ZFAND6: variants seen among roughly 807,000 people sequenced by gnomAD.
The protein encoded by ZFAND6 is AN1-type zinc finger protein 6.
A neutral mutation model predicts 24.5 loss-of-function variants in ZFAND6; 12 were observed. That is an observed-to-expected ratio of 0.49 (90% CI 0.31 to 0.79). The LOEUF is 0.79. Ranked by LOEUF, ZFAND6 falls within the 30% of genes least tolerant of loss-of-function variation. The pLI is 0.04. For synonymous variants in ZFAND6, 92 were observed against 81.5 expected, an observed-to-expected ratio of 1.13 and a Z score of -0.69; for missense variants, 207 against 245.9, an observed-to-expected ratio of 0.84 and a Z score of 1.06.
In ZFAND6 at chr15:80,101,791, G is replaced by GTTTT. The variant is rs750632508; in HGVS notation, c.-18+3229_-18+3232dup. On this transcript the variant is annotated intron_variant, in intron 2 of 6. Transcript: ENST00000261749. ...ATTTTCTCTGGGTTTTATGTAAAGT[G>GTTTT]TTTTTTTTTTTTTTTTTTTGAGACG... 4.9e-3 allele frequency among the ~76,000 whole-genome samples: 603 copies of GTTTT among 123,074 alleles called. 13 individuals carry two copies. Among genetic ancestry groups the GTTTT allele is most frequent in the African/African-American group, 0.017 (557 of 32,352 alleles). The allele number at this position is 123,074 out of a possible 152,430, so 80.7% of individuals were successfully genotyped here.
At chr15:80,059,842 CCGG>C (rs2036221925) in intron 1 of ZFAND6, 33 bp downstream of exon 1, 1 of 151,318 alleles carries the variant, frequency 6.6e-6, no homozygotes, top group Non-Finnish European at 1.5e-5. Flanking sequence ...CCCGGCTTGC[CCGG>C]CGCTGCCCCT....
chr15:80,101,894 G>T (rs2039054013), intron 2 of ZFAND6, among the ~76,000 whole-genome samples: 2 of 147,086 alleles, frequency 1.4e-5, no homozygotes, highest in Admixed American at 1.4e-4. Flanking sequence ...CTGGGTTCAT[G>T]CCCTTCTCCT....
At chr15:80,131,113 G>T in intron 5 of ZFAND6, 67 bp from the exon 6 acceptor site, 1 of 1,183,420 alleles carries the variant, frequency 8.5e-7, no homozygotes, top group Non-Finnish European at 1.2e-6. Context: ...AGACTAGGGA[G>T]GGTGGGATGA....
intron 5 of ZFAND6, among the ~76,000 whole-genome samples, chr15:80,129,251 C>A (rs756100186): frequency 6.6e-6 from 1 of 152,138 alleles, no homozygotes; most frequent in African/African-American, 2.4e-5. Context: ...TATTCTGTTT[C>A]AAAAATAGTA....
intron 1 of ZFAND6, among the ~76,000 whole-genome samples, chr15:80,061,063 C>T (rs578160767): frequency 1.1e-4 from 16 of 152,290 alleles, no homozygotes; most frequent in South Asian, 6.2e-4. Context: ...AACCATGTCA[C>T]CAATTTTAAG....
chr15:80,086,770 C>T (rs1176675284), intron 1 of ZFAND6, among the ~76,000 whole-genome samples: 1 of 152,208 alleles, frequency 6.6e-6, no homozygotes, highest in South Asian at 2.1e-4. Flanking sequence ...ATCTCTAGAA[C>T]TATAAAAATT....
At chr15:80,119,463 T>G (rs995137073) in intron 2 of ZFAND6, among the ~76,000 whole-genome samples, 2 of 152,200 alleles carry the variant, frequency 1.3e-5, no homozygotes, top group Non-Finnish European at 2.9e-5. Flanking sequence ...ATTGGCAAAA[T>G]ATAGTATACG....
intron 5 of ZFAND6, among the ~76,000 whole-genome samples, chr15:80,127,073 A>C (rs542850793): frequency 6.6e-6 from 1 of 152,244 alleles, no homozygotes; most frequent in Admixed American, 6.5e-5. Flanking sequence ...GCACCACTGC[A>C]CTTCAGCCTG....
intron 6 of ZFAND6, among the ~76,000 whole-genome samples, chr15:80,133,853 G>A (rs2040732664): frequency 6.6e-6 from 1 of 152,160 alleles, no homozygotes; most frequent in South Asian, 2.1e-4. Context: ...ATAAACACCA[G>A]CTGCCAGTCT....
At chr15:80,081,334 T>A (rs1025233075) in intron 1 of ZFAND6, among the ~76,000 whole-genome samples, 1 of 152,194 alleles carries the variant, frequency 6.6e-6, no homozygotes, top group Non-Finnish European at 1.5e-5. Context: ...GAAACTCACA[T>A]ACTGTTTGAT....
chr15:80,087,228 G>A (rs868327304), intron 1 of ZFAND6, among the ~76,000 whole-genome samples: 1 of 152,178 alleles, frequency 6.6e-6, no homozygotes, highest in Non-Finnish European at 1.5e-5. Flanking sequence ...CATACGAAAT[G>A]GTCAAACTGT....
intron 1 of ZFAND6, among the ~76,000 whole-genome samples, chr15:80,090,875 A>C (rs1202531700): frequency 6.6e-6 from 1 of 152,212 alleles, no homozygotes. Flanking sequence ...AATTTTTGGA[A>C]TATTTTAGAA....
intron 1 of ZFAND6, among the ~76,000 whole-genome samples, chr15:80,093,409 C>G (rs1372262792): frequency 1.3e-5 from 2 of 151,988 alleles, no homozygotes; most frequent in African/African-American, 4.8e-5. Context: ...TCTCTATATT[C>G]TTTCAAATAA....
In ZFAND6 at chr15:80,122,691, C is replaced by G; in HGVS notation, c.264-9C>G. On this transcript the variant is annotated splice_polypyrimidine_tract_variant and intron_variant, in intron 4 of 6. Coordinates refer to ENST00000261749, the MANE Select transcript of ZFAND6 (RefSeq NM_019006.4). Reference sequence around the variant, plus strand: ...TCACCTTTTAAAATGAAATATTTTGCTTTTCTAGCCCTGTATCAAATCAGT... The same window carrying G: ...TCACCTTTTAAAATGAAATATTTTGGTTTTCTAGCCCTGTATCAAATCAGT... 1.9e-6 allele frequency: 3 copies of G among 1,605,144 alleles called. No individual in the cohort carries two copies. Among genetic ancestry groups the G allele is most frequent in the Non-Finnish European group, 2.6e-6 (3 of 1,173,650 alleles).
chr15:80,122,742 T>G lies in ZFAND6; in HGVS notation c.306T>G (p.Ser102=), dbSNP rs760056399. Residue 102 remains serine (S), a synonymous_variant, in exon 5 of 7, where the codon TCT becomes TCG. Coordinates refer to ENST00000261749, the MANE Select transcript of ZFAND6 (RefSeq NM_019006.4). ...CACTTTTATCAGAATCTGTAGCATC[T>G]TCTCAATTGGACAGTACATCTGTGG... The part of the protein sequence containing the change: ...NQSLLSESVA[S]SQLDSTSVDK... The G allele has an allele frequency of 6.2e-7, 1 of 1,613,760 alleles. No homozygotes were observed. Among genetic ancestry groups the G allele is most frequent in the South Asian group, 1.1e-5 (1 of 91,072 alleles).
intron 1 of ZFAND6, among the ~76,000 whole-genome samples, chr15:80,085,889 T>A (rs2037968554): frequency 6.6e-6 from 1 of 152,194 alleles, no homozygotes; most frequent in Non-Finnish European, 1.5e-5. Context: ...ACCTTTTTTA[T>A]GTTTAGATAC....
chr15:80,080,959 C>G (rs1215241141), intron 1 of ZFAND6, among the ~76,000 whole-genome samples: 1 of 152,168 alleles, frequency 6.6e-6, no homozygotes, highest in African/African-American at 2.4e-5. Flanking sequence ...CCAGTCACCT[C>G]CCATCAGGCC....
intron 2 of ZFAND6, among the ~76,000 whole-genome samples, chr15:80,099,721 A>G (rs1004973191): frequency 6.9e-6 from 1 of 144,582 alleles, no homozygotes; most frequent in African/African-American, 2.5e-5. Context: ...AGTTCAAGTA[A>G]TTCTCCTGTC....
At chr15:80,107,180 G>T (rs534066337) in intron 2 of ZFAND6, among the ~76,000 whole-genome samples, 41 of 152,080 alleles carry the variant, frequency 2.7e-4, no homozygotes, top group African/African-American at 8.9e-4. Context: ...GCGCCACTGC[G>T]CTCCAGCCTG....
Sources: gnomAD v4.1 joint callset for allele counts (sites outside exome capture counted in the v4.1 genomes callset) on GRCh38, gnomAD v4.1.1 for gene constraint, MANE v1.5 for transcripts, NCBI Gene and HGNC (gene_info 2026-07-23, HGNC 2026-07-21) for gene names.